The following KPNA7 variants were observed in gnomAD, a reference collection of about 807,000 sequenced individuals.
KPNA7 encodes importin subunit alpha-8.
Under a neutral mutation model 53.7 loss-of-function variants are expected in KPNA7, and 54 were observed. The observed-to-expected ratio is 1.01, with a 90% confidence interval of 0.81 to 1.26. The LOEUF is 1.26. Among genes scored for constraint, KPNA7 ranks in the 50% most tolerant of loss-of-function variants. KPNA7 has a pLI of 0.00. For missense variants in KPNA7, 640 were observed against 644.5 expected (o/e 0.99, Z 0.07); for synonymous variants, 276 against 259.3 (o/e 1.06, Z -0.62).
At chr7:99,149,173 G>A in the KPNA7 span, among the ~76,000 whole-genome samples, 6 of 152,114 alleles carry the variant, frequency 3.9e-5, no homozygotes, top group Non-Finnish European at 8.8e-5. Flanking sequence ...AAAGTGCTGT[G>A]ATTTCAGGCA....
rs372337610 is a variant in KPNA7 at position 99,193,061 on chromosome 7, A to G, written c.594T>C (p.Asn198=). ...PEFRDNVITS[N]AIPHLLALIS... is the part of the protein sequence containing the mutation. ...TCAAGGCTAGGAGATGTGGGATGGCATTGCTTGTGATGACGTTATCTCTGA... is the reference window on the plus strand; with the variant it reads ...TCAAGGCTAGGAGATGTGGGATGGCGTTGCTTGTGATGACGTTATCTCTGA... Residue 198 remains asparagine, a synonymous_variant, in exon 6 of 11, where the codon AAT becomes AAC. Transcript: ENST00000327442. The G allele has an allele frequency of 1.3e-4, 194 of 1,512,210 alleles. 2 individuals are homozygous for G. In the East Asian group the frequency reaches 4.5e-3, roughly 35 times the overall value. 93.7% of individuals were successfully genotyped at this position (1,512,210 alleles called of 1,614,324 possible).
the KPNA7 span, among the ~76,000 whole-genome samples, chr7:99,152,308 G>A: frequency 2.0e-5 from 3 of 147,616 alleles, no homozygotes; most frequent in Admixed American, 6.9e-5. Context: ...GTTGCCGTGA[G>A]ACAAGATTGT....
At chr7:99,157,915 C>T in the KPNA7 span, among the ~76,000 whole-genome samples, 1 of 152,132 alleles carries the variant, frequency 6.6e-6, no homozygotes, top group Non-Finnish European at 1.5e-5. Context: ...GCTGAGACTA[C>T]AGGCAGGTGC....
chr7:99,209,967 C>T (rs112231825), upstream of KPNA7, among the ~76,000 whole-genome samples: 3,290 of 152,176 alleles, frequency 0.022, 113 homozygotes, highest in African/African-American at 0.074. Context: ...GATTGCACCA[C>T]TGCACTCCAG....
chr7:99,208,158 C>A (rs1790917360), upstream of KPNA7, among the ~76,000 whole-genome samples: 1 of 151,470 alleles, frequency 6.6e-6, no homozygotes, highest in African/African-American at 2.4e-5. Flanking sequence ...CTCACTGCAA[C>A]CTTGACCTCC....
intron 1 of KPNA7, among the ~76,000 whole-genome samples, chr7:99,218,949 C>T (rs1004609599): frequency 2.6e-5 from 4 of 152,262 alleles, no homozygotes; most frequent in African/African-American, 9.6e-5. Flanking sequence ...AAGCCACCAA[C>T]CACTCACCTG....
At chr7:99,201,721 G>T (rs970271313) in intron 3 of KPNA7, among the ~76,000 whole-genome samples, 2 of 151,132 alleles carry the variant, frequency 1.3e-5, no homozygotes, top group Non-Finnish European at 2.9e-5. Flanking sequence ...TTGTTTGTTG[G>T]AGTGAGATGG....
At chr7:99,158,376 T>C in the KPNA7 span, among the ~76,000 whole-genome samples, 1 of 152,134 alleles carries the variant, frequency 6.6e-6, no homozygotes, top group Non-Finnish European at 1.5e-5. Flanking sequence ...ACTCCTCTAT[T>C]CAGATTTCAG....
the KPNA7 span, among the ~76,000 whole-genome samples, chr7:99,167,981 T>TA: frequency 7.3e-6 from 1 of 137,546 alleles, no homozygotes; most frequent in Non-Finnish European, 1.5e-5. Flanking sequence ...CCCAAACCAT[T>TA]CCCCCACCCC....
At chr7:99,184,783 T>A (rs1789489341) in intron 8 of KPNA7, 146 bp downstream of exon 8, 1 of 701,024 alleles carries the variant, frequency 1.4e-6, no homozygotes, top group Non-Finnish European at 2.4e-6. Flanking sequence ...CCTTCCTTTT[T>A]TTCAGGCAAA....
intron 6 of KPNA7, among the ~76,000 whole-genome samples, chr7:99,191,512 C>A (rs563350522): frequency 5.5e-4 from 84 of 152,256 alleles, no homozygotes; most frequent in Non-Finnish European, 7.5e-4. Context: ...TCCCTTGCCT[C>A]AAAATCCTCC....
At chr7:99,179,658 C>G (rs1417478917) in intron 9 of KPNA7, among the ~76,000 whole-genome samples, 1 of 151,876 alleles carries the variant, frequency 6.6e-6, no homozygotes, top group Non-Finnish European at 1.5e-5. Flanking sequence ...GATCTTGGCT[C>G]ACTGCAACCT....
chr7:99,180,318 A>G (rs1799112280), intron 9 of KPNA7, among the ~76,000 whole-genome samples: 1 of 152,118 alleles, frequency 6.6e-6, no homozygotes, highest in Non-Finnish European at 1.5e-5. Flanking sequence ...CCTGGGCAAT[A>G]TAGCAAGACC....
chr7:99,158,923 G>A, the KPNA7 span, among the ~76,000 whole-genome samples: 114 of 151,812 alleles, frequency 7.5e-4, 1 homozygote, highest in African/African-American at 2.4e-3. Context: ...GGAGTGTAGC[G>A]GTACAATCTT....
In KPNA7 at chr7:99,213,454, A is replaced by AG. The variant is rs1293812426; in HGVS notation, c.-23-5966_-23-5965insC. Among the ~76,000 whole-genome samples the AG allele has an allele frequency of 1.0e-2, 1,437 of 143,884 alleles. 32 individuals carry two copies. Among genetic ancestry groups the AG allele is most frequent in the African/African-American group, 0.037 (1,332 of 36,066 alleles). The allele number at this position is 143,884 out of a possible 152,430, so 94.4% of individuals were successfully genotyped here. A position where few individuals can be genotyped will look rare whatever the true frequency, so the allele number is the denominator to read the frequency against. The stretch of plus-strand genomic sequence containing the variant: ...TTAAAAAAAAAAAAAAAAAAAAAAA[A>AG]AAAGAGAGAGAGACAGAGTCTCATT... On this transcript the variant is annotated intron_variant, in intron 1 of 10. Transcript: ENST00000681060.
chr7:99,186,984 T>A (rs1409341026), intron 7 of KPNA7, among the ~76,000 whole-genome samples: 1 of 152,144 alleles, frequency 6.6e-6, no homozygotes, highest in African/African-American at 2.4e-5. Flanking sequence ...GTAGGTGACA[T>A]GTTTAATAAC....
In KPNA7 at chr7:99,178,065, G is replaced by A. The variant is rs202050828; in HGVS notation, c.1319C>T (p.Ala440Val). ...ILDVISCILQ[A>V]AEKRSEKENL... ...TTCCTTCTCAGACCGTTTCTCTGCC[G>A]CCTGTGACCAAGTACAAGGGGACAT... Residue 440 changes from alanine (A) to valine (V), a missense_variant and splice_region_variant, in exon 10 of 11, where the codon GCG becomes GTG. Coordinates refer to ENST00000327442, the MANE Select transcript of KPNA7 (RefSeq NM_001145715.3). 174 of 1,551,150 alleles carry A rather than the reference G, an allele frequency of 1.1e-4. No homozygotes were observed. The highest frequency in any genetic ancestry group is 5.4e-4 in the South Asian group (45 of 83,954).
intron 9 of KPNA7, among the ~76,000 whole-genome samples, chr7:99,178,541 C>A (rs116347952): frequency 0.023 from 3,489 of 151,950 alleles, 133 homozygotes; most frequent in African/African-American, 0.081. Flanking sequence ...GCACTCCAGC[C>A]TGGATGACAG....
At chr7:99,160,389 CT>C in the KPNA7 span, among the ~76,000 whole-genome samples, 1 of 151,794 alleles carries the variant, frequency 6.6e-6, no homozygotes, top group African/African-American at 2.4e-5. Context: ...TTGCAGCTTC[CT>C]ATTGTTTTAT....
Sources: gnomAD v4.1 joint callset for allele counts (sites outside exome capture counted in the v4.1 genomes callset) on GRCh38, gnomAD v4.1.1 for gene constraint, MANE v1.5 for transcripts, NCBI Gene and HGNC (gene_info 2026-07-23, HGNC 2026-07-21) for gene names.